SNTG2: variants seen among roughly 807,000 people sequenced by gnomAD.
SNTG2 encodes the protein gamma-2-syntrophin.
A neutral mutation model predicts 70.9 loss-of-function variants in SNTG2; 74 were observed. The ratio of observed to expected loss-of-function variants is 1.04; its 90% CI spans 0.86 to 1.27. The LOEUF is 1.27. Ranked by LOEUF, SNTG2 falls within the 50% of genes most tolerant of loss-of-function variation. The pLI, the probability that SNTG2 is intolerant of heterozygous loss-of-function variation, is 0.00. For synonymous variants in SNTG2, 278 were observed against 273.8 expected, an observed-to-expected ratio of 1.02 and a Z score of -0.15; for missense variants, 717 against 690.7, an observed-to-expected ratio of 1.04 and a Z score of -0.43.
intron 8 of SNTG2, among the ~76,000 whole-genome samples, chr2:1,185,653 T>C (rs1266029931): frequency 6.6e-6 from 1 of 152,136 alleles, no homozygotes; most frequent in Non-Finnish European, 1.5e-5. Flanking sequence ...GGGACCCTTA[T>C]ACCATGGTGG....
intron 2 of SNTG2, among the ~76,000 whole-genome samples, chr2:1,085,730 T>C (rs1664644824): frequency 6.6e-6 from 1 of 152,252 alleles, no homozygotes; most frequent in Non-Finnish European, 1.5e-5. Flanking sequence ...GAAGTGTCGA[T>C]GTTTAAGGAT....
At chr2:982,415 G>A (rs954947460) in intron 1 of SNTG2, among the ~76,000 whole-genome samples, 6 of 152,180 alleles carry the variant, frequency 3.9e-5, no homozygotes, top group African/African-American at 1.2e-4. Flanking sequence ...CGGAGGACAC[G>A]GGCATGTCCC....
At chr2:1,115,253 A>G (rs1482525676) in intron 4 of SNTG2, among the ~76,000 whole-genome samples, 1 of 151,094 alleles carries the variant, frequency 6.6e-6, no homozygotes, top group African/African-American at 2.4e-5. Context: ...AATTTCGTGT[A>G]CTGAGGTTTA....
At chr2:1,336,584 T>G (rs1371719049) in intron 16 of SNTG2, among the ~76,000 whole-genome samples, 1 of 152,232 alleles carries the variant, frequency 6.6e-6, no homozygotes, top group East Asian at 1.9e-4. Context: ...AGTGGTTTTA[T>G]AGTTTTTGGT....
intron 1 of SNTG2, among the ~76,000 whole-genome samples, chr2:1,009,776 C>T (rs1268693285): frequency 6.6e-6 from 1 of 152,210 alleles, no homozygotes. Flanking sequence ...CCACGTGGAA[C>T]CACGTGAATT....
At chr2:1,354,796 G>A (rs1660754956) in intron 16 of SNTG2, among the ~76,000 whole-genome samples, 2 of 152,244 alleles carry the variant, frequency 1.3e-5, no homozygotes, top group East Asian at 1.9e-4. Context: ...CGCACATTGC[G>A]AATGCGATCG....
At chr2:1,261,827 C>G (rs1678428907) in intron 13 of SNTG2, among the ~76,000 whole-genome samples, 1 of 152,100 alleles carries the variant, frequency 6.6e-6, no homozygotes, top group Admixed American at 6.5e-5. Context: ...GCTAAGAACT[C>G]AGAAGCAGGG....
chr2:1,106,711 C>T (rs1276432113), intron 4 of SNTG2, among the ~76,000 whole-genome samples: 5 of 123,836 alleles, frequency 4.0e-5, no homozygotes, highest in South Asian at 3.0e-4. Context: ...TGCTGTCACT[C>T]GGGTGCAGGG....
At position 1,334,157 on chromosome 2, in the gene SNTG2, G is replaced by T. The variant is rs563878623; in HGVS notation, c.1488+17782G>T. On this transcript the variant is annotated intron_variant, in intron 16 of 16. Transcript: ENST00000308624. ...GGACATGAATAGGCAATTCTCAAAA[G>T]AAAATATACAAATGGCCAACAAACA... Among the ~76,000 whole-genome samples the T allele has an allele frequency of 1.6e-3, 241 of 152,144 alleles. 1 individual carries two copies. Among genetic ancestry groups the T allele is most frequent in the Non-Finnish European group, 2.8e-3 (189 of 67,962 alleles).
In SNTG2 at chr2:951,052, T is replaced by A; in HGVS notation, c.56T>A (p.Leu19Gln). ...PAASRGRQGC[L>Q]LVPARTKTTI... ...GCCTCCCGCGGACGCCAGGGCTGCCTGCTGGTACCTGCGCGGGTGAGTGCG... is the reference window on the plus strand; with the variant it reads ...GCCTCCCGCGGACGCCAGGGCTGCCAGCTGGTACCTGCGCGGGTGAGTGCG... Residue 19 changes from leucine to glutamine, a missense_variant, in exon 1 of 17, where the codon CTG becomes CAG. By Grantham distance (113) the Leu-to-Gln change is moderately radical. Coordinates refer to ENST00000308624, the MANE Select transcript of SNTG2 (RefSeq NM_018968.4). 1 of 1,272,344 alleles carries A rather than the reference T, an allele frequency of 7.9e-7. No homozygotes were observed. Among genetic ancestry groups the A allele is most frequent in the Non-Finnish European group, 9.9e-7 (1 of 1,012,028 alleles). 78.8% of individuals were successfully genotyped at this position (1,272,344 alleles called of 1,614,324 possible).
intron 13 of SNTG2, among the ~76,000 whole-genome samples, chr2:1,266,584 G>T (rs571354913): frequency 6.6e-6 from 1 of 152,156 alleles, no homozygotes; most frequent in East Asian, 1.9e-4. Context: ...TGGGCACTCG[G>T]TCCTTTATCT....
chr2:1,137,114 T>C (rs747362138), intron 4 of SNTG2, among the ~76,000 whole-genome samples: 1 of 152,220 alleles, frequency 6.6e-6, no homozygotes, highest in African/African-American at 2.4e-5. Context: ...CTAGCTTTCC[T>C]TATGAAGAGG....
chr2:1,073,503 T>C, intron 1 of SNTG2, among the ~76,000 whole-genome samples: 1 of 152,196 alleles, frequency 6.6e-6, no homozygotes, highest in East Asian at 1.9e-4. Context: ...CCACACTTAA[T>C]AGACTACAGT....
chr2:1,110,909 G>A (rs1666399545), intron 4 of SNTG2, among the ~76,000 whole-genome samples: 1 of 152,180 alleles, frequency 6.6e-6, no homozygotes, highest in Admixed American at 6.5e-5. Flanking sequence ...GGCTACATGT[G>A]TGCAGAAACA....
intron 1 of SNTG2, among the ~76,000 whole-genome samples, chr2:1,058,080 A>T (rs1187217879): frequency 1.3e-5 from 2 of 152,186 alleles, no homozygotes; most frequent in Admixed American, 6.5e-5. Flanking sequence ...TAATATAAAT[A>T]ACTTATATTT....
chr2:1,333,569 C>T (rs1333541811), intron 16 of SNTG2, among the ~76,000 whole-genome samples: 2 of 152,170 alleles, frequency 1.3e-5, no homozygotes, highest in Non-Finnish European at 2.9e-5. Context: ...ACCAAAACAG[C>T]ATGGTACTAG....
intron 1 of SNTG2, among the ~76,000 whole-genome samples, chr2:970,656 T>C (rs1403241272): frequency 2.0e-5 from 3 of 146,844 alleles, no homozygotes; most frequent in Non-Finnish European, 4.5e-5. Context: ...ATTTTCTTAA[T>C]CCAGTCTATC....
chr2:1,255,824 A>ATT (rs1678027656), intron 12 of SNTG2, among the ~76,000 whole-genome samples: 6 of 34,322 alleles, frequency 1.7e-4, no homozygotes, highest in Non-Finnish European at 2.6e-4. Context: ...TTGTATGTAT[A>ATT]TATATATAAA....
chr2:1,353,445 C>A lies in SNTG2; in HGVS notation c.1489-13898C>A, dbSNP rs376347298. Among the ~76,000 whole-genome samples, 187 of 152,300 alleles carry A rather than the reference C, an allele frequency of 1.2e-3. 1 individual carries two copies. The highest frequency in any genetic ancestry group is 4.4e-3 in the African/African-American group (184 of 41,564). The stretch of plus-strand genomic sequence containing the variant: ...TCATCCTATACTTCTTGGGCTTATT[C>A]TAAGACAAACTACAAAGCATCCTCG... On this transcript the variant is annotated intron_variant, in intron 16 of 16. Coordinates refer to ENST00000308624, the MANE Select transcript of SNTG2 (RefSeq NM_018968.4). The surrounding 1 kb of genome is among the most constrained non-coding windows in gnomAD (Gnocchi z 4.2).
Sources: allele counts gnomAD v4.1 joint callset (sites outside exome capture counted in the v4.1 genomes callset), GRCh38; gene constraint gnomAD v4.1.1; non-coding constraint Gnocchi (gnomAD v3.1); transcripts MANE v1.5; gene names NCBI Gene and HGNC (gene_info 2026-07-23, HGNC 2026-07-21).